CD101: variants seen among roughly 807,000 people sequenced by gnomAD.
CD101 encodes the protein immunoglobulin superfamily member 2.
Under a neutral mutation model 98.2 loss-of-function variants are expected in CD101, and 76 were observed. That is an observed-to-expected ratio of 0.77 (90% CI 0.64 to 0.94). The LOEUF is 0.94. Ranked by LOEUF, CD101 falls within the 40% of genes least tolerant of loss-of-function variation. CD101 has a pLI of 0.00. For synonymous variants in CD101, 471 were observed against 472.7 expected (o/e 1.00, Z 0.05); for missense variants, 1,145 against 1,218.8 (o/e 0.94, Z 0.90).
chr1:117,020,968 T>C (rs1486281716), intron 6 of CD101, among the ~76,000 whole-genome samples: 1 of 152,224 alleles, frequency 6.6e-6, no homozygotes, highest in Non-Finnish European at 1.5e-5. Context: ...GGTCAAAGAT[T>C]AGTTGGCTCC....
At position 117,023,208 on chromosome 1, in the gene CD101, G is replaced by A. The variant is rs1304206591; in HGVS notation, c.2428+1225G>A. 6.6e-6 allele frequency among the ~76,000 whole-genome samples: 1 copy of A among 152,130 alleles called. No individual in the cohort carries two copies. The highest frequency in any genetic ancestry group is 1.5e-5 in the Non-Finnish European group (1 of 68,018). On this transcript the variant is annotated intron_variant, in intron 7 of 9. Transcript: ENST00000682167. This position sits in a 1 kb window ranked among gnomAD's most constrained non-coding sequence, Gnocchi z 4.4. ...TTGCACTTCTGCATTTCCCATCTGT[G>A]TGATTGGCATTCTGTCTCCCAGTCA... is the stretch of plus-strand genomic sequence containing the variant.
In CD101 at chr1:117,017,085, C is replaced by CACA. The variant is rs767956714; in HGVS notation, c.1229-4_1229-2dup. On this transcript the variant is annotated splice_region_variant and splice_polypyrimidine_tract_variant and intron_variant, in intron 4 of 9. Transcript: ENST00000682167. ...TTTTGTTCTTCTATAATCTGTAACT[C>CACA]ACAGCAAGAAGTGTGGTCATGTCTA... 6.2e-7 allele frequency: 1 copy of CACA among 1,610,650 alleles called. No homozygotes were observed. The highest frequency in any genetic ancestry group is 8.5e-7 in the Non-Finnish European group (1 of 1,177,926).
In CD101 at chr1:117,005,986, A is replaced by G. The variant is rs1218833291; in HGVS notation, c.44-3864A>G. 1.3e-5 allele frequency among the ~76,000 whole-genome samples: 2 copies of G among 152,110 alleles called. No homozygotes were observed. Among genetic ancestry groups the G allele is most frequent in the African/African-American group, 2.4e-5 (1 of 41,430 alleles). On this transcript the variant is annotated intron_variant, in intron 1 of 9. Coordinates refer to ENST00000682167, the MANE Select transcript of CD101 (RefSeq NM_001256106.3). The surrounding 1 kb of genome is among the most constrained non-coding windows in gnomAD (Gnocchi z 4.4). ...TAAATATCTATATTTAAATATTTCAAAATGTTTGCTGGATATCCTTCCTGT... is the reference window on the plus strand; with the variant it reads ...TAAATATCTATATTTAAATATTTCAGAATGTTTGCTGGATATCCTTCCTGT...
At position 117,022,786 on chromosome 1, in the gene CD101, A is replaced by G. The variant is rs148714495; in HGVS notation, c.2428+803A>G. On this transcript the variant is annotated intron_variant, in intron 7 of 9. Transcript: ENST00000682167. This position sits in a 1 kb window ranked among gnomAD's most constrained non-coding sequence, Gnocchi z 4.8. Reference sequence around the variant, plus strand: ...GTGTTAGGCAGTGGAATACAAAGATAAAGAAGGCACAGCCCTGGCCCTTAA... The same window carrying G: ...GTGTTAGGCAGTGGAATACAAAGATGAAGAAGGCACAGCCCTGGCCCTTAA... Among the ~76,000 whole-genome samples the G allele has an allele frequency of 4.1e-3, 625 of 152,320 alleles. 5 individuals carry two copies. Among genetic ancestry groups the G allele is most frequent in the African/African-American group, 0.014 (592 of 41,578 alleles).
rs1491570564 is a variant in CD101 at position 117,029,271 on chromosome 1, AAG to A, written c.2824+3370_2824+3371del. 4.8e-4 allele frequency among the ~76,000 whole-genome samples: 68 copies of A among 142,438 alleles called. 3 individuals carry two copies. Among genetic ancestry groups the A allele is most frequent in the African/African-American group, 1.2e-3 (46 of 38,232 alleles). The allele number at this position is 142,438 out of a possible 152,430, so 93.4% of individuals were successfully genotyped here. ...AAAGAAAGAAAGAAAGAAAGAAAGA[AAG>A]AGTAGATACGGTTGACAGTCCAACA... On this transcript the variant is annotated intron_variant, in intron 8 of 9. Coordinates refer to ENST00000682167, the MANE Select transcript of CD101 (RefSeq NM_001256106.3).
At chr1:117,025,236 G>C (rs183590137) in intron 7 of CD101, among the ~76,000 whole-genome samples, 3 of 152,140 alleles carry the variant, frequency 2.0e-5, no homozygotes, top group Admixed American at 2.0e-4. Context: ...GGTGGCACAC[G>C]CCTGTAATCC....
intron 4 of CD101, among the ~76,000 whole-genome samples, 194 bp from the exon 5 acceptor site, chr1:117,016,896 A>G (rs1653252425): frequency 6.6e-6 from 1 of 152,130 alleles, no homozygotes; most frequent in Admixed American, 6.5e-5. Flanking sequence ...ACATCCTCCG[A>G]TATTCTTTCT....
rs1653707741 is a variant in CD101, at chr1:117,023,570, C to T, written c.2428+1587C>T. On this transcript the variant is annotated intron_variant, in intron 7 of 9. Transcript: ENST00000682167. This position sits in a 1 kb window ranked among gnomAD's most constrained non-coding sequence, Gnocchi z 4.4. ...TAGCTGGGACTACAGGTGTGTGCCA[C>T]CATGCCTGGCTAATTTTTGTAATTT... 6.6e-6 allele frequency among the ~76,000 whole-genome samples: 1 copy of T among 151,980 alleles called. No homozygotes were observed. The highest frequency in any genetic ancestry group is 2.4e-5 in the African/African-American group (1 of 41,356).
intron 8 of CD101, among the ~76,000 whole-genome samples, chr1:117,029,204 A>AAAGAAAGAAAGAAAGAAAGAAGG (rs1553188315): frequency 1.2e-4 from 7 of 58,812 alleles, no homozygotes; most frequent in Non-Finnish European, 2.0e-4. Context: ...AGAAAGAAAG[A>AAAGAAAGAAAGAAAGAAAGAAGG]AAAGAAAGAA....
Position 117,021,633 on chromosome 1 carries a change from C to G in CD101, c.2078C>G (p.Thr693Ser). The G allele has an allele frequency of 6.2e-7, 1 of 1,612,922 alleles. No individual in the cohort carries two copies. The highest frequency in any genetic ancestry group is 8.5e-7 in the Non-Finnish European group (1 of 1,179,542). Reference protein sequence around the residue: ...QVQELSINSNTDIECSILSRS... With the variant: ...QVQELSINSNSDIECSILSRS... ...CAAGAGCTCTCCATCAACTCCAACA[C>G]TGATATAGAATGTAGCATCTTGTCC... Residue 693 changes from threonine to serine, a missense_variant, in exon 7 of 10, where the codon ACT becomes AGT. By Grantham distance (58) the Thr-to-Ser change is moderately conservative. Coordinates refer to ENST00000682167, the MANE Select transcript of CD101 (RefSeq NM_001256106.3). The surrounding 1 kb of genome is among the most constrained non-coding windows in gnomAD (Gnocchi z 4.7).
intron 8 of CD101, chr1:117,026,216 C>G (rs925362784): frequency 4.0e-6 from 1 of 250,666 alleles, no homozygotes; most frequent in Non-Finnish European, 7.6e-6. Context: ...AGGGAAAGGG[C>G]CATTGGAGAA....
chr1:117,006,279 T>C lies in CD101; in HGVS notation c.44-3571T>C, dbSNP rs1652524578. On this transcript the variant is annotated intron_variant, in intron 1 of 9. Transcript: ENST00000682167. This position sits in a 1 kb window ranked among gnomAD's most constrained non-coding sequence, Gnocchi z 4.4. ...AGCTCAGTTATAGTACCTTTACTTT[T>C]ATCCCTATTGCTTTTGTCACCTCTG... 6.6e-6 allele frequency among the ~76,000 whole-genome samples: 1 copy of C among 152,220 alleles called. No homozygotes were observed. Among genetic ancestry groups the C allele is most frequent in the African/African-American group, 2.4e-5 (1 of 41,462 alleles).
chr1:117,004,884 G>C lies in CD101; in HGVS notation c.43+3024G>C, dbSNP rs1228909812. ...TAAACTGGGGCGGGTGGGGGAGGGG[G>C]GCTTATAAACAACAGAAATTTAGTT... is the stretch of plus-strand genomic sequence containing the variant. On this transcript the variant is annotated intron_variant, in intron 1 of 9. Coordinates refer to ENST00000682167, the MANE Select transcript of CD101 (RefSeq NM_001256106.3). The surrounding 1 kb of genome is among the most constrained non-coding windows in gnomAD (Gnocchi z 4.1). Among the ~76,000 whole-genome samples, 1 of 151,800 alleles carries C rather than the reference G, an allele frequency of 6.6e-6. No individual in the cohort carries two copies. Among genetic ancestry groups the C allele is most frequent in the African/African-American group, 2.4e-5 (1 of 41,308 alleles).
At position 117,012,003 on chromosome 1, in the gene CD101, T is replaced by TATTA; in HGVS notation, c.841+38_841+41dup. ...CCTACGAAATTCATTAATACACTAG[T>TATTA]ATTAGGTAGTGGGTATTTATGAGGT... On this transcript the variant is annotated intron_variant, in intron 3 of 9. Transcript: ENST00000682167. The surrounding 1 kb of genome is among the most constrained non-coding windows in gnomAD (Gnocchi z 4.0). 1 of 1,527,316 alleles carries TATTA rather than the reference T, an allele frequency of 6.5e-7. No homozygotes were observed. The allele number at this position is 1,527,316 out of a possible 1,614,324, so 94.6% of individuals were successfully genotyped here. A position where few individuals can be genotyped will look rare whatever the true frequency, so the allele number is the denominator to read the frequency against.
chr1:117,010,325 C>G lies in CD101; in HGVS notation c.424+95C>G, dbSNP rs565891419. ...CAATATGACATGGCTTTATATTGTT[C>G]CATTTTCTTTGGGAAAAGAGCCCAT... On this transcript the variant is annotated intron_variant, in intron 2 of 9. Coordinates refer to ENST00000682167, the MANE Select transcript of CD101 (RefSeq NM_001256106.3). The surrounding 1 kb of genome is among the most constrained non-coding windows in gnomAD (Gnocchi z 5.2). 19 of 1,380,654 alleles carry G rather than the reference C, an allele frequency of 1.4e-5. No homozygotes were observed. In the African/African-American group the frequency reaches 2.5e-4, roughly 18 times the overall value. 85.5% of individuals were successfully genotyped at this position (1,380,654 alleles called of 1,614,324 possible). A position where few individuals can be genotyped will look rare whatever the true frequency, so the allele number is the denominator to read the frequency against.
rs1382270992 is a variant in CD101 at position 117,025,793 on chromosome 1, G to A, written c.2713G>A (p.Gly905Arg). The A allele has an allele frequency of 6.2e-7, 1 of 1,614,194 alleles. No homozygotes were observed. Among genetic ancestry groups the A allele is most frequent in the Non-Finnish European group, 8.5e-7 (1 of 1,180,030 alleles). The change falls in exon 8 of 10, where the codon GGA (glycine) becomes AGA (arginine). Residue 905 changes from glycine to arginine, a missense_variant. Transcript: ENST00000682167. The part of the protein sequence containing the change: ...KLHQVEMEDA[G>R]MYWCRVAEWQ... ...TCATCAGGTGGAGATGGAGGATGCA[G>A]GAATGTACTGGTGTAGGGTGGCAGA...
At position 117,005,880 on chromosome 1, in the gene CD101, G is replaced by T. The variant is rs1652495358; in HGVS notation, c.44-3970G>T. Reference sequence around the variant, plus strand: ...AATATGGGAATATCACAGGGTTTTTGAAAGGATTCGATTACAAATATTTTC... The same window carrying T: ...AATATGGGAATATCACAGGGTTTTTTAAAGGATTCGATTACAAATATTTTC... On this transcript the variant is annotated intron_variant, in intron 1 of 9. Coordinates refer to ENST00000682167, the MANE Select transcript of CD101 (RefSeq NM_001256106.3). The surrounding 1 kb of genome is among the most constrained non-coding windows in gnomAD (Gnocchi z 4.4). Among the ~76,000 whole-genome samples the T allele has an allele frequency of 6.6e-6, 1 of 151,982 alleles. No individual in the cohort carries two copies. Among genetic ancestry groups the T allele is most frequent in the Non-Finnish European group, 1.5e-5 (1 of 67,982 alleles).
chr1:117,019,132 T>A lies in CD101; in HGVS notation c.2017+572T>A, dbSNP rs1338877538. 2.0e-5 allele frequency among the ~76,000 whole-genome samples: 3 copies of A among 152,236 alleles called. No individual in the cohort carries two copies. The highest frequency in any genetic ancestry group is 4.4e-5 in the Non-Finnish European group (3 of 68,034). ...ACTACCTAGGCAAAGTTCTGCTGTG[T>A]CATGTATCTTCTCTCTTATAGTTTG... On this transcript the variant is annotated intron_variant, in intron 6 of 9. Coordinates refer to ENST00000682167, the MANE Select transcript of CD101 (RefSeq NM_001256106.3). This position sits in a 1 kb window ranked among gnomAD's most constrained non-coding sequence, Gnocchi z 4.3.
In CD101 at chr1:117,004,728, C is replaced by T. The variant is rs1652429590; in HGVS notation, c.43+2868C>T. 1.3e-5 allele frequency among the ~76,000 whole-genome samples: 2 copies of T among 152,098 alleles called. No individual in the cohort carries two copies. The highest frequency in any genetic ancestry group is 2.9e-5 in the Non-Finnish European group (2 of 68,016). On this transcript the variant is annotated intron_variant, in intron 1 of 9. Transcript: ENST00000682167. This position sits in a 1 kb window ranked among gnomAD's most constrained non-coding sequence, Gnocchi z 4.1. ...TAAGCTTATGGCCCCAGTGCATAGC[C>T]ATTTGAGTTGATCTCTGCCAGTCAT...
Sources: gnomAD v4.1 joint callset for allele counts (sites outside exome capture counted in the v4.1 genomes callset) on GRCh38, gnomAD v4.1.1 for gene constraint, Gnocchi (gnomAD v3.1) non-coding constraint, MANE v1.5 for transcripts, NCBI Gene and HGNC (gene_info 2026-07-23, HGNC 2026-07-21) for gene names.